Variants in DCC observed in about 807,000 individuals in gnomAD.
The protein encoded by DCC is DCC netrin 1 receptor.
DCC carries 58 observed loss-of-function variants against 172.5 expected under a neutral mutation model. That is an observed-to-expected ratio of 0.34 (90% CI 0.27 to 0.42). DCC has a LOEUF of 0.42. DCC is among the 10% of genes least tolerant of loss of function. The pLI is 1.00. For missense variants in DCC, 1,740 were observed against 1,791.0 expected (o/e 0.97, Z 0.51); for synonymous variants, 709 against 644.5 (o/e 1.10, Z -1.52).
At chr18:52,643,124 T>G (rs563083665) in intron 1 of DCC, among the ~76,000 whole-genome samples, 256 of 152,312 alleles carry the variant, frequency 1.7e-3, no homozygotes, top group African/African-American at 6.0e-3. Flanking sequence ...TGTTCTATAG[T>G]TAAAAAGCTT....
At chr18:52,763,469 C>G (rs548820415) in intron 2 of DCC, among the ~76,000 whole-genome samples, 1 of 152,180 alleles carries the variant, frequency 6.6e-6, no homozygotes, top group East Asian at 1.9e-4. Context: ...CATGAGCCAA[C>G]CTTGTGGCTA....
intron 1 of DCC, among the ~76,000 whole-genome samples, chr18:52,389,134 C>T (rs1461654033): frequency 1.3e-5 from 2 of 152,038 alleles, no homozygotes; most frequent in Non-Finnish European, 2.9e-5. Flanking sequence ...TCTGTGCTTC[C>T]ATTTCATCTT....
chr18:52,582,646 A>G (rs927406047), intron 1 of DCC, among the ~76,000 whole-genome samples: 11 of 152,156 alleles, frequency 7.2e-5, no homozygotes, highest in African/African-American at 2.7e-4. Context: ...ACTTTGTGGG[A>G]ACTAGATAAA....
chr18:52,386,449 T>C (rs1003638743), intron 1 of DCC, among the ~76,000 whole-genome samples: 2 of 152,088 alleles, frequency 1.3e-5, no homozygotes, highest in African/African-American at 4.8e-5. Context: ...TGATGTTTTT[T>C]CTTGAGTAAT....
chr18:53,479,096 T>C (rs975139107), intron 25 of DCC, among the ~76,000 whole-genome samples: 6 of 152,204 alleles, frequency 3.9e-5, no homozygotes, highest in Non-Finnish European at 8.8e-5. Context: ...CGTTCTAGTA[T>C]GATAAATATC....
intron 1 of DCC, among the ~76,000 whole-genome samples, chr18:52,540,544 G>A (rs958962439): frequency 8.8e-5 from 12 of 135,608 alleles, no homozygotes; most frequent in African/African-American, 3.4e-4. Flanking sequence ...TATAGTTACT[G>A]TTATTTCTCG....
At chr18:52,857,582 G>C (rs189192140) in intron 2 of DCC, among the ~76,000 whole-genome samples, 1 of 151,902 alleles carries the variant, frequency 6.6e-6, no homozygotes, top group Admixed American at 6.6e-5. Flanking sequence ...AGGGTAATTC[G>C]AATTTAACAT....
At chr18:53,025,362 T>A (rs1445839322) in intron 5 of DCC, among the ~76,000 whole-genome samples, 1 of 152,148 alleles carries the variant, frequency 6.6e-6, no homozygotes, top group Admixed American at 6.6e-5. Flanking sequence ...TTTCTAGTGA[T>A]GTAGGAGTAT....
intron 5 of DCC, among the ~76,000 whole-genome samples, chr18:53,015,208 A>G (rs1408453860): frequency 6.6e-6 from 1 of 152,208 alleles, no homozygotes; most frequent in East Asian, 1.9e-4. Flanking sequence ...TCTGACTTTA[A>G]TTCATTCAAA....
At chr18:52,580,688 A>C (rs2033524947) in intron 1 of DCC, among the ~76,000 whole-genome samples, 1 of 152,232 alleles carries the variant, frequency 6.6e-6, no homozygotes, top group Non-Finnish European at 1.5e-5. Context: ...CTGAGTTGGG[A>C]TGCGCACACC....
chr18:53,180,322 C>T (rs1232042517), intron 9 of DCC, among the ~76,000 whole-genome samples: 2 of 152,116 alleles, frequency 1.3e-5, no homozygotes, highest in Non-Finnish European at 2.9e-5. Context: ...AAATATTTGC[C>T]TCACAGAAAT....
chr18:53,332,544 A>G (rs1486225702), intron 14 of DCC, among the ~76,000 whole-genome samples: 2 of 152,186 alleles, frequency 1.3e-5, no homozygotes, highest in Non-Finnish European at 2.9e-5. Flanking sequence ...AGTCATTATT[A>G]GGAACAAGAA....
At chr18:52,536,166 T>TG (rs1316518054) in intron 1 of DCC, among the ~76,000 whole-genome samples, 2 of 151,894 alleles carry the variant, frequency 1.3e-5, no homozygotes, top group South Asian at 4.2e-4. Context: ...CAGTGATATG[T>TG]GGGGGGAAGG....
At chr18:52,527,861 T>G (rs1253880857) in intron 1 of DCC, among the ~76,000 whole-genome samples, 1 of 152,224 alleles carries the variant, frequency 6.6e-6, no homozygotes, top group Non-Finnish European at 1.5e-5. Flanking sequence ...CTCTGACAAC[T>G]CTGGGGAGGG....
intron 15 of DCC, among the ~76,000 whole-genome samples, chr18:53,358,548 T>TC (rs2057906261): frequency 6.8e-6 from 1 of 147,024 alleles, no homozygotes; most frequent in Middle Eastern, 3.5e-3. Context: ...TTTTTTTTTT[T>TC]TTTTGCGACA....
At chr18:53,260,672 C>CCTGT (rs2056585161) in intron 12 of DCC, among the ~76,000 whole-genome samples, 1 of 152,156 alleles carries the variant, frequency 6.6e-6, no homozygotes, top group Non-Finnish European at 1.5e-5. Flanking sequence ...GAGGAGGCAG[C>CCTGT]CTGTCCATTG....
At chr18:53,158,492 G>A (rs1002254754) in intron 8 of DCC, among the ~76,000 whole-genome samples, 1 of 152,154 alleles carries the variant, frequency 6.6e-6, no homozygotes, top group Non-Finnish European at 1.5e-5. Flanking sequence ...AACATGTGAT[G>A]ATCTTTAGAA....
At chr18:52,782,039 C>A (rs1007791710) in intron 2 of DCC, among the ~76,000 whole-genome samples, 1 of 151,964 alleles carries the variant, frequency 6.6e-6, no homozygotes, top group African/African-American at 2.4e-5. Flanking sequence ...TAAAAAGGAC[C>A]ATTTTCCCAT....
chr18:52,874,442 C>A lies in DCC; in HGVS notation c.413-31602C>A, dbSNP rs547759499. ...TAGTTACCATAAAGGTATTTAAATA[C>A]AAAAATAAAATTGTTTTGAGTTATA... On this transcript the variant is annotated intron_variant, in intron 2 of 28. Coordinates refer to ENST00000442544, the MANE Select transcript of DCC (RefSeq NM_005215.4). Among the ~76,000 whole-genome samples, 326 of 152,188 alleles carry A rather than the reference C, an allele frequency of 2.1e-3. 2 individuals are homozygous for A. The highest frequency in any genetic ancestry group is 7.4e-3 in the African/African-American group (309 of 41,526).
Sources: allele counts gnomAD v4.1 joint callset (sites outside exome capture counted in the v4.1 genomes callset), GRCh38; gene constraint gnomAD v4.1.1; transcripts MANE v1.5; gene names NCBI Gene and HGNC (gene_info 2026-07-23, HGNC 2026-07-21).